The following CNTNAP2 variants were observed in gnomAD, a reference collection of about 807,000 sequenced individuals.
CNTNAP2 encodes the protein contactin-associated protein-like 2.
CNTNAP2 carries 98 observed loss-of-function variants against 155.2 expected under a neutral mutation model. The observed-to-expected ratio is 0.63, with a 90% CI of 0.54 to 0.75. The LOEUF is 0.75. Ranked by LOEUF, CNTNAP2 falls within the 30% of genes least tolerant of loss-of-function variation. CNTNAP2 has a pLI of 0.00. For missense variants in CNTNAP2, 1,727 were observed against 1,688.1 expected (o/e 1.02, Z -0.40); for synonymous variants, 651 against 631.2 (o/e 1.03, Z -0.47).
At chr7:146,552,641 C>A (rs1358585956) in intron 1 of CNTNAP2, among the ~76,000 whole-genome samples, 1 of 152,030 alleles carries the variant, frequency 6.6e-6, no homozygotes, top group Non-Finnish European at 1.5e-5. Flanking sequence ...AACGACTTTC[C>A]TTCTCTCTTA....
chr7:146,875,675 G>A (rs188153086), intron 3 of CNTNAP2, among the ~76,000 whole-genome samples: 25 of 81,006 alleles, frequency 3.1e-4, no homozygotes, highest in South Asian at 2.3e-3. Flanking sequence ...TGCTTTTGGC[G>A]GGGGGGCAAA....
chr7:146,581,709 C>G (rs1446329533), intron 1 of CNTNAP2, among the ~76,000 whole-genome samples: 1 of 151,400 alleles, frequency 6.6e-6, no homozygotes, highest in African/African-American at 2.4e-5. Flanking sequence ...TACTTAGAGA[C>G]ATTTTTCATA....
intron 20 of CNTNAP2, among the ~76,000 whole-genome samples, chr7:148,233,397 A>G (rs1276293977): frequency 2.2e-5 from 3 of 136,360 alleles, no homozygotes; most frequent in Non-Finnish European, 3.3e-5. Context: ...AGTCCCCAAG[A>G]TCGAGAAAAT....
At chr7:147,021,065 G>A (rs145173340) in intron 3 of CNTNAP2, among the ~76,000 whole-genome samples, 1 of 152,258 alleles carries the variant, frequency 6.6e-6, no homozygotes, top group East Asian at 1.9e-4. Context: ...AATCACGCAA[G>A]TTCAATGAGC....
chr7:148,076,127 T>G (rs1803478660), intron 15 of CNTNAP2, among the ~76,000 whole-genome samples: 1 of 152,190 alleles, frequency 6.6e-6, no homozygotes, highest in African/African-American at 2.4e-5. Context: ...AATGAAATAT[T>G]TAAAAAGTGA....
chr7:146,297,154 A>G (rs866885230), intron 1 of CNTNAP2, among the ~76,000 whole-genome samples: 4 of 152,054 alleles, frequency 2.6e-5, no homozygotes, highest in African/African-American at 9.7e-5. Flanking sequence ...TCATTTGTTC[A>G]TTGTAACATT....
chr7:147,397,770 A>ATTTT (rs10646575), intron 10 of CNTNAP2, among the ~76,000 whole-genome samples: 3 of 145,890 alleles, frequency 2.1e-5, no homozygotes, highest in African/African-American at 7.5e-5. Flanking sequence ...GATACACAAA[A>ATTTT]TTTTTTTTTT....
At chr7:146,259,871 A>T (rs1483331043) in intron 1 of CNTNAP2, among the ~76,000 whole-genome samples, 1 of 152,240 alleles carries the variant, frequency 6.6e-6, no homozygotes, top group Non-Finnish European at 1.5e-5. Context: ...CTGAATGTTA[A>T]TAGCCAAGAG....
At chr7:146,815,394 T>A (rs939694731) in intron 2 of CNTNAP2, among the ~76,000 whole-genome samples, 31 of 152,304 alleles carry the variant, frequency 2.0e-4, no homozygotes, top group Middle Eastern at 6.8e-3. Flanking sequence ...TCGTAATGAT[T>A]ATATTTTATT....
intron 22 of CNTNAP2, among the ~76,000 whole-genome samples, chr7:148,393,309 TTTA>T (rs754964523): frequency 6.6e-6 from 1 of 152,176 alleles, no homozygotes; most frequent in Non-Finnish European, 1.5e-5. Context: ...ACTCAGTCTT[TTTA>T]TTATGTTATT....
chr7:148,141,469 T>C (rs976628254), intron 16 of CNTNAP2, among the ~76,000 whole-genome samples: 1 of 152,258 alleles, frequency 6.6e-6, no homozygotes, highest in African/African-American at 2.4e-5. Flanking sequence ...TCGGCTGGCC[T>C]TGGGAAAATG....
At chr7:147,782,021 T>TG (rs1554434194) in intron 13 of CNTNAP2, among the ~76,000 whole-genome samples, 1 of 137,812 alleles carries the variant, frequency 7.3e-6, no homozygotes, top group African/African-American at 2.7e-5. Flanking sequence ...AGATTCCGTT[T>TG]AAAAAAAAAA....
At chr7:147,290,578 G>A (rs932533152) in intron 8 of CNTNAP2, among the ~76,000 whole-genome samples, 10 of 151,448 alleles carry the variant, frequency 6.6e-5, no homozygotes, top group African/African-American at 1.5e-4. Context: ...AGCTACTCGG[G>A]AGGTTGAGGC....
chr7:147,579,551 T>A (rs749423275), intron 12 of CNTNAP2, among the ~76,000 whole-genome samples: 3 of 152,206 alleles, frequency 2.0e-5, no homozygotes, highest in African/African-American at 7.2e-5. Context: ...TTATAGCCAA[T>A]TTCTGATAGA....
intron 9 of CNTNAP2, among the ~76,000 whole-genome samples, chr7:147,334,120 G>A (rs986920685): frequency 1.3e-5 from 2 of 152,148 alleles, no homozygotes; most frequent in African/African-American, 2.4e-5. Flanking sequence ...AGGAAGATGT[G>A]TCTAACTCTG....
intron 3 of CNTNAP2, among the ~76,000 whole-genome samples, chr7:146,966,491 T>A (rs113309212): frequency 0.039 from 5,951 of 152,312 alleles, 138 homozygotes; most frequent in South Asian, 0.076. Context: ...TTCACCAGTT[T>A]ACTCTTTTAA....
At chr7:148,192,340 A>G (rs565764826) in intron 18 of CNTNAP2, among the ~76,000 whole-genome samples, 1 of 152,336 alleles carries the variant, frequency 6.6e-6, no homozygotes, top group Non-Finnish European at 1.5e-5. Flanking sequence ...AATATGCAGT[A>G]TTTGTCTGTC....
At chr7:147,739,735 T>C (rs1033827165) in intron 13 of CNTNAP2, among the ~76,000 whole-genome samples, 6 of 152,152 alleles carry the variant, frequency 3.9e-5, no homozygotes, top group African/African-American at 1.2e-4. Flanking sequence ...TAAAAGTCTA[T>C]GCTGGCTCTC....
intron 8 of CNTNAP2, among the ~76,000 whole-genome samples, chr7:147,160,512 T>A (rs974480260): frequency 1.3e-5 from 2 of 152,142 alleles, no homozygotes; most frequent in Non-Finnish European, 2.9e-5. Flanking sequence ...AACCCCCTCC[T>A]TTTATTAATT....
Sources: gnomAD v4.1 joint callset for allele counts (sites outside exome capture counted in the v4.1 genomes callset) on GRCh38, gnomAD v4.1.1 for gene constraint, MANE v1.5 for transcripts, NCBI Gene and HGNC (gene_info 2026-07-23, HGNC 2026-07-21) for gene names.